FRMD4A: variants seen among roughly 807,000 people sequenced by gnomAD.
FRMD4A encodes the protein FERM domain-containing protein 4A.
A neutral mutation model predicts 129.1 loss-of-function variants in FRMD4A; 29 were observed. The observed-to-expected ratio is 0.22, with a 90% CI of 0.17 to 0.31. FRMD4A has a LOEUF of 0.31. FRMD4A is among the 10% of genes least tolerant of loss of function. The pLI, the probability that FRMD4A is intolerant of heterozygous loss-of-function variation, is 1.00. For missense variants in FRMD4A, 1,272 were observed against 1,375.8 expected (o/e 0.92, Z 1.19); for synonymous variants, 634 against 571.6 (o/e 1.11, Z -1.56).
chr10:14,168,163 C>G (rs755610890), intron 2 of FRMD4A, among the ~76,000 whole-genome samples: 1 of 152,106 alleles, frequency 6.6e-6, no homozygotes, highest in Non-Finnish European at 1.5e-5. Flanking sequence ...CCAGAGGAGA[C>G]GCTTGGACTT....
In FRMD4A at chr10:14,112,035, A is replaced by G. The variant is rs148907715; in HGVS notation, c.45+218023T>C. On this transcript the variant is annotated intron_variant, in intron 2 of 24. Transcript: ENST00000357447. ...GGGTGGGAGGGAGGGAGGGAAAAAG[A>G]CAAACAGAATGATGAAATAGCTTTA... Among the ~76,000 whole-genome samples, 1,372 of 151,366 alleles carry G rather than the reference A, an allele frequency of 9.1e-3. 29 individuals are homozygous for G. The highest frequency in any genetic ancestry group is 0.032 in the African/African-American group (1,300 of 41,034).
intron 2 of FRMD4A, among the ~76,000 whole-genome samples, chr10:14,211,812 T>C (rs12570552): frequency 0.34 from 52,187 of 152,088 alleles, 9,052 homozygotes; most frequent in Admixed American, 0.37. Context: ...AAAACTGTCA[T>C]GCATTATAGC....
chr10:14,320,952 G>A lies in FRMD4A; in HGVS notation c.45+9106C>T, dbSNP rs112304360. On this transcript the variant is annotated intron_variant, in intron 2 of 24. Transcript: ENST00000357447. ...CAAATGCAACCTCTTCTAAGAAGGC[G>A]TCCTCAGTCACTCCTCTAAAGCTGT... Among the ~76,000 whole-genome samples the A allele has an allele frequency of 8.5e-3, 1,297 of 152,306 alleles. 15 individuals carry two copies. The highest frequency in any genetic ancestry group is 0.024 in the African/African-American group (991 of 41,570).
chr10:13,997,307 A>T (rs1337058485), intron 2 of FRMD4A, among the ~76,000 whole-genome samples: 1 of 152,164 alleles, frequency 6.6e-6, no homozygotes, highest in African/African-American at 2.4e-5. Flanking sequence ...TAGTTGTAAT[A>T]ATCTTCACCC....
rs538602565 is a variant in FRMD4A at position 13,763,428 on chromosome 10, T to C, written c.385-748A>G. Among the ~76,000 whole-genome samples, 5 of 152,354 alleles carry C rather than the reference T, an allele frequency of 3.3e-5. No individual in the cohort carries two copies. The South Asian group carries it at 1.0e-3, about 32-fold the overall frequency. On this transcript the variant is annotated intron_variant, in intron 6 of 24. Coordinates refer to ENST00000357447, the MANE Select transcript of FRMD4A (RefSeq NM_018027.5). ...TAAAAATATAGTTCCTCGGTTGTAC[T>C]AGCCACATTTCTTTCATGTGCTCAA...
chr10:14,198,904 G>A (rs911268331), intron 2 of FRMD4A, among the ~76,000 whole-genome samples: 1 of 152,184 alleles, frequency 6.6e-6, no homozygotes, highest in African/African-American at 2.4e-5. Context: ...CAGAGCTATT[G>A]TGAGGTTTAA....
intron 2 of FRMD4A, among the ~76,000 whole-genome samples, chr10:14,224,304 T>G (rs1357812772): frequency 6.6e-6 from 1 of 152,218 alleles, no homozygotes; most frequent in African/African-American, 2.4e-5. Context: ...GTCTCTGCTT[T>G]CTCTGCCATC....
At chr10:14,270,700 G>A (rs1589249692) in intron 2 of FRMD4A, among the ~76,000 whole-genome samples, 1 of 152,304 alleles carries the variant, frequency 6.6e-6, no homozygotes, top group East Asian at 1.9e-4. Context: ...TAGGCTCTTG[G>A]AAACTGCGAC....
rs143663767 is a variant in FRMD4A at position 14,207,033 on chromosome 10, A to G, written c.45+123025T>C. 1.5e-4 allele frequency among the ~76,000 whole-genome samples: 23 copies of G among 152,018 alleles called. No individual in the cohort carries two copies. The East Asian group carries it at 4.5e-3, about 30-fold the overall frequency. On this transcript the variant is annotated intron_variant, in intron 2 of 24. Coordinates refer to ENST00000357447, the MANE Select transcript of FRMD4A (RefSeq NM_018027.5). Reference sequence around the variant, plus strand: ...GGCCTACGAAGACTTCTGCCCAAGGATGGTCATCACAGTATTATTTATAAT... The same window carrying G: ...GGCCTACGAAGACTTCTGCCCAAGGGTGGTCATCACAGTATTATTTATAAT...
chr10:13,781,421 A>G (rs1256002526), intron 6 of FRMD4A, among the ~76,000 whole-genome samples: 2 of 109,096 alleles, frequency 1.8e-5, no homozygotes, highest in Non-Finnish European at 3.4e-5. Flanking sequence ...TCTGTTGCCC[A>G]GGCTGGAGTG....
At chr10:13,990,882 C>T (rs770465016) in intron 2 of FRMD4A, among the ~76,000 whole-genome samples, 21 of 152,120 alleles carry the variant, frequency 1.4e-4, no homozygotes, top group Non-Finnish European at 2.1e-4. Flanking sequence ...CAATCAGATA[C>T]GAGATTCCAG....
intron 2 of FRMD4A, among the ~76,000 whole-genome samples, chr10:14,060,500 C>G (rs1834757606): frequency 6.6e-6 from 1 of 152,182 alleles, no homozygotes; most frequent in South Asian, 2.1e-4. Context: ...GGGAAGCCAG[C>G]CAGGCACTCT....
intron 2 of FRMD4A, among the ~76,000 whole-genome samples, chr10:14,322,041 C>A (rs1843078518): frequency 6.6e-6 from 1 of 152,182 alleles, no homozygotes; most frequent in African/African-American, 2.4e-5. Context: ...TGAGGCTTCT[C>A]CAGCCAGGCT....
chr10:13,822,028 T>C (rs968552885), intron 3 of FRMD4A, among the ~76,000 whole-genome samples: 3 of 152,050 alleles, frequency 2.0e-5, no homozygotes, highest in African/African-American at 7.2e-5. Context: ...GTAAAAGTGG[T>C]CACTGACAGA....
intron 2 of FRMD4A, among the ~76,000 whole-genome samples, chr10:14,010,482 A>G (rs2131634452): frequency 6.6e-6 from 1 of 152,108 alleles, no homozygotes; most frequent in South Asian, 2.1e-4. Flanking sequence ...ATCACTTTTC[A>G]TATTAGCACA....
intron 2 of FRMD4A, chr10:14,008,012 C>T: frequency 7.8e-7 from 1 of 1,289,836 alleles, no homozygotes; most frequent in Non-Finnish European, 1.0e-6. Flanking sequence ...CAAACATCTT[C>T]CTGTCTTTGG....
At chr10:13,980,883 G>T (rs998343936) in intron 2 of FRMD4A, among the ~76,000 whole-genome samples, 1 of 152,148 alleles carries the variant, frequency 6.6e-6, no homozygotes, top group Non-Finnish European at 1.5e-5. Context: ...GTCTTGAGTT[G>T]GTCCATGGAG....
chr10:13,901,492 C>T (rs2094818312), intron 2 of FRMD4A, among the ~76,000 whole-genome samples: 1 of 151,908 alleles, frequency 6.6e-6, no homozygotes, highest in Admixed American at 6.6e-5. Context: ...TGCCTATAAT[C>T]CCAGCTACTC....
intron 3 of FRMD4A, among the ~76,000 whole-genome samples, chr10:13,820,236 A>G (rs974248622): frequency 6.6e-6 from 1 of 152,192 alleles, no homozygotes; most frequent in Non-Finnish European, 1.5e-5. Flanking sequence ...TGGCAGACAC[A>G]GGAAACTCAT....
Sources: allele counts gnomAD v4.1 joint callset (sites outside exome capture counted in the v4.1 genomes callset), GRCh38; gene constraint gnomAD v4.1.1; transcripts MANE v1.5; gene names NCBI Gene and HGNC (gene_info 2026-07-23, HGNC 2026-07-21).